The following PRKCQ variants were observed in gnomAD, a reference collection of about 807,000 sequenced individuals.
The protein encoded by PRKCQ is protein kinase C theta type.
PRKCQ carries 41 observed loss-of-function variants against 91.2 expected under a neutral mutation model. That is an observed-to-expected ratio of 0.45 (90% CI 0.35 to 0.58). The LOEUF (loss-of-function observed/expected upper bound fraction) is 0.58. Among genes scored for constraint, PRKCQ ranks in the 20% least tolerant of loss-of-function variants. The pLI is 0.00. For missense variants in PRKCQ, 673 were observed against 896.5 expected (o/e 0.75, Z 3.18); for synonymous variants, 307 against 316.9 (o/e 0.97, Z 0.33).
chr10:6,552,719 G>A (rs1421504488), intron 1 of PRKCQ, among the ~76,000 whole-genome samples: 1 of 151,964 alleles, frequency 6.6e-6, no homozygotes, highest in East Asian at 1.9e-4. Flanking sequence ...CTCCTGCCTT[G>A]GCCTCCCAAA....
In PRKCQ at chr10:6,428,234, G is replaced by A. The variant is rs763293223; in HGVS notation, c.2094C>T (p.Asn698=). ...AGGATATCAGCCGCTCCATCCCGGG[G>A]TTCATGAAGGAAAAGTTCCTGAACA... ...QNMFRNFSFM[N]PGMERLIS is the part of the protein sequence containing the mutation. The change falls in exon 18 of 18, where the codon AAC becomes AAT. Residue 698 remains asparagine (N), a synonymous_variant. Coordinates refer to ENST00000263125, the MANE Select transcript of PRKCQ (RefSeq NM_006257.5). 7 of 1,614,158 alleles carry A rather than the reference G, an allele frequency of 4.3e-6. No homozygotes were observed. The highest frequency in any genetic ancestry group is 2.2e-5 in the South Asian group (2 of 91,064).
rs575330612 is a variant in PRKCQ, at chr10:6,503,807, T to C, written c.379+3629A>G. On this transcript the variant is annotated intron_variant, in intron 4 of 17. Coordinates refer to ENST00000263125, the MANE Select transcript of PRKCQ (RefSeq NM_006257.5). The stretch of plus-strand genomic sequence containing the variant: ...TTATTATTATTTGGAGACAGGGTCT[T>C]GTTCTGTTGCCCAGGCTAGAGTGCA... Among the ~76,000 whole-genome samples the C allele has an allele frequency of 1.4e-4, 21 of 152,322 alleles. 1 individual carries two copies. Among genetic ancestry groups the C allele is most frequent in the African/African-American group, 5.1e-4 (21 of 41,562 alleles).
chr10:6,497,363 T>C lies in PRKCQ; in HGVS notation c.543-112A>G. 1 of 1,236,280 alleles carries C rather than the reference T, an allele frequency of 8.1e-7. No individual in the cohort carries two copies. The highest frequency in any genetic ancestry group is 1.2e-6 in the Non-Finnish European group (1 of 841,868). 76.6% of individuals were successfully genotyped at this position (1,236,280 alleles called of 1,614,324 possible). A position where few individuals can be genotyped will look rare whatever the true frequency, so the allele number is the denominator to read the frequency against. On this transcript the variant is annotated intron_variant, in intron 5 of 17. Transcript: ENST00000263125. The surrounding 1 kb of genome is among the most constrained non-coding windows in gnomAD (Gnocchi z 4.5). ...CCCCCTAAGATCACAGAGCAGTTTC[T>C]GATCAGCAGCCCTGTTGTATCATTT... is the stretch of plus-strand genomic sequence containing the variant.
chr10:6,511,150 G>C lies in PRKCQ; in HGVS notation c.163C>G (p.Pro55Ala), dbSNP rs1838455992. ...TGGGCATCAAAAGTGCTGTCCCAGGGTGGGTACATGGTAGGCTTTTTCTGG... is the reference window on the plus strand; with the variant it reads ...TGGGCATCAAAAGTGCTGTCCCAGGCTGGGTACATGGTAGGCTTTTTCTGG... ...YIQKKPTMYP[P>A]WDSTFDAHIN... The change falls in exon 3 of 18, where the codon CCC becomes GCC. Residue 55 changes from proline (P) to alanine (A), a missense_variant. Coordinates refer to ENST00000263125, the MANE Select transcript of PRKCQ (RefSeq NM_006257.5). The C allele has an allele frequency of 6.8e-6, 11 of 1,614,112 alleles. No individual in the cohort carries two copies. Among genetic ancestry groups the C allele is most frequent in the Non-Finnish European group, 8.5e-6 (10 of 1,180,016 alleles).
At chr10:6,543,494 A>G (rs1204519663) in intron 1 of PRKCQ, among the ~76,000 whole-genome samples, 1 of 152,220 alleles carries the variant, frequency 6.6e-6, no homozygotes. Flanking sequence ...AACCACATTC[A>G]TTTTCAGAAG....
At chr10:6,540,527 T>C (rs1177566503) in intron 1 of PRKCQ, among the ~76,000 whole-genome samples, 1 of 152,220 alleles carries the variant, frequency 6.6e-6, no homozygotes, top group Non-Finnish European at 1.5e-5. Flanking sequence ...TAGCATCATG[T>C]TTTTAAGGTT....
chr10:6,561,302 G>A (rs1331428334), intron 1 of PRKCQ, among the ~76,000 whole-genome samples: 1 of 150,020 alleles, frequency 6.7e-6, no homozygotes, highest in Non-Finnish European at 1.5e-5. Context: ...AGCCTGGGAG[G>A]TGCAGCCTAC....
chr10:6,494,183 C>T (rs1046283923), intron 7 of PRKCQ, among the ~76,000 whole-genome samples: 1 of 152,216 alleles, frequency 6.6e-6, no homozygotes, highest in Non-Finnish European at 1.5e-5. Flanking sequence ...AAGCTCCACA[C>T]CCATCCCCAT....
intron 11 of PRKCQ, among the ~76,000 whole-genome samples, chr10:6,482,191 C>T (rs1379429999): frequency 6.6e-6 from 1 of 152,116 alleles, no homozygotes; most frequent in African/African-American, 2.4e-5. Context: ...GTTCCAATCC[C>T]CAGGACCTTG....
At chr10:6,436,479 A>G (rs542760323) in intron 16 of PRKCQ, among the ~76,000 whole-genome samples, 4 of 152,246 alleles carry the variant, frequency 2.6e-5, no homozygotes, top group Middle Eastern at 3.4e-3. Context: ...TCACATGTGC[A>G]GATATGGGCA....
rs1564391742 is a variant in PRKCQ, at chr10:6,556,433, G to GA, written c.-10+23777_-10+23778insT. ...AGCAACAAAGCAAGACCCTGTCTTG[G>GA]GAAAAAAAAAAAAAAAAAAAAAGCA... On this transcript the variant is annotated intron_variant, in intron 1 of 17. Transcript: ENST00000263125. 1.5e-4 allele frequency among the ~76,000 whole-genome samples: 14 copies of GA among 93,438 alleles called. 2 individuals are homozygous for GA. The highest frequency in any genetic ancestry group is 5.3e-4 in the African/African-American group (8 of 15,192). 61.3% of individuals were successfully genotyped at this position (93,438 alleles called of 152,430 possible).
At chr10:6,408,474 C>T in the PRKCQ span, among the ~76,000 whole-genome samples, 1 of 152,182 alleles carries the variant, frequency 6.6e-6, no homozygotes, top group Admixed American at 6.5e-5. Flanking sequence ...CCTGCCTCAG[C>T]CTCCCAAGTA....
At chr10:6,515,247 C>A in intron 1 of PRKCQ, 103 bp from the exon 2 acceptor site, 2 of 1,571,780 alleles carry the variant, frequency 1.3e-6, no homozygotes, top group Middle Eastern at 1.7e-4. Flanking sequence ...ACAGCCAGAA[C>A]CTCACATAGG....
the PRKCQ span, among the ~76,000 whole-genome samples, chr10:6,404,340 C>T: frequency 6.8e-6 from 1 of 147,842 alleles, no homozygotes; most frequent in Non-Finnish European, 1.5e-5. Flanking sequence ...ATAAAAAACC[C>T]TCTTCCATGC....
At chr10:6,577,299 GAT>G (rs1428268843) in intron 1 of PRKCQ, among the ~76,000 whole-genome samples, 2 of 152,148 alleles carry the variant, frequency 1.3e-5, no homozygotes, top group Non-Finnish European at 2.9e-5. Context: ...AATAATGAAA[GAT>G]ATTTTCACCA....
the PRKCQ span, among the ~76,000 whole-genome samples, chr10:6,398,645 G>C: frequency 6.6e-6 from 1 of 151,738 alleles, no homozygotes; most frequent in African/African-American, 2.4e-5. Context: ...CATGGCCTGT[G>C]CTAGATGCTG....
At position 6,522,854 on chromosome 10, in the gene PRKCQ, T is replaced by C. The variant is rs183589184; in HGVS notation, c.-9-7710A>G. 8.5e-5 allele frequency among the ~76,000 whole-genome samples: 13 copies of C among 152,330 alleles called. No individual in the cohort carries two copies. In the East Asian group the frequency reaches 2.5e-3, roughly 29 times the overall value. ...AAGCATTCAATGGTTTCCAATTACATCTGCTCAGCCAAATTTGGTAAACAT... is the reference window on the plus strand; with the variant it reads ...AAGCATTCAATGGTTTCCAATTACACCTGCTCAGCCAAATTTGGTAAACAT... On this transcript the variant is annotated intron_variant, in intron 1 of 17. Coordinates refer to ENST00000263125, the MANE Select transcript of PRKCQ (RefSeq NM_006257.5).
At chr10:6,410,704 A>G in the PRKCQ span, among the ~76,000 whole-genome samples, 2 of 152,156 alleles carry the variant, frequency 1.3e-5, no homozygotes, top group Non-Finnish European at 2.9e-5. Flanking sequence ...CTTGTCTGGC[A>G]GGGTGCAGTG....
intron 1 of PRKCQ, among the ~76,000 whole-genome samples, chr10:6,542,025 C>G (rs373773334): frequency 6.6e-6 from 1 of 152,240 alleles, no homozygotes; most frequent in Non-Finnish European, 1.5e-5. Flanking sequence ...CACACCTTCT[C>G]AACACGTTCC....
Sources: allele counts gnomAD v4.1 joint callset (sites outside exome capture counted in the v4.1 genomes callset), GRCh38; gene constraint gnomAD v4.1.1; non-coding constraint Gnocchi (gnomAD v3.1); transcripts MANE v1.5; gene names NCBI Gene and HGNC (gene_info 2026-07-23, HGNC 2026-07-21).